TMC7: variants seen among roughly 807,000 people sequenced by gnomAD.
The protein encoded by TMC7 is transmembrane channel-like protein 7.
TMC7 carries 54 observed loss-of-function variants against 82.9 expected under a neutral mutation model. The ratio of observed to expected loss-of-function variants is 0.65; its 90% confidence interval spans 0.52 to 0.82. TMC7 has a LOEUF of 0.82. Ranked by LOEUF, TMC7 falls within the 40% of genes least tolerant of loss-of-function variation. The pLI, the probability that TMC7 is intolerant of heterozygous loss-of-function variation, is 0.00. For missense variants in TMC7, 820 were observed against 901.2 expected (o/e 0.91, Z 1.15); for synonymous variants, 350 against 337.9 (o/e 1.04, Z -0.39).
intron 1 of TMC7, among the ~76,000 whole-genome samples, chr16:18,990,961 C>T (rs2038940784): frequency 6.6e-6 from 1 of 152,050 alleles, no homozygotes; most frequent in Admixed American, 6.6e-5. Context: ...GATGGCTTAG[C>T]TTGGACTCAG....
chr16:19,042,185 T>TTTTA (rs1961043331), intron 9 of TMC7, among the ~76,000 whole-genome samples: 3 of 151,994 alleles, frequency 2.0e-5, no homozygotes, highest in Admixed American at 6.6e-5. Flanking sequence ...TTTCTTTCCA[T>TTTTA]TTTATTTATT....
At chr16:19,009,661 C>T (rs375879007) in intron 2 of TMC7, among the ~76,000 whole-genome samples, 5 of 151,938 alleles carry the variant, frequency 3.3e-5, no homozygotes, top group African/African-American at 9.7e-5. Flanking sequence ...CTTTCCAGGC[C>T]GGGCGCGGTG....
At chr16:19,016,720 G>A in intron 3 of TMC7, 122 bp downstream of exon 3, 5 of 1,101,074 alleles carry the variant, frequency 4.5e-6, no homozygotes, top group Non-Finnish European at 6.3e-6. Context: ...ATGAATGTGA[G>A]CAACAAACCA....
At chr16:18,993,498 A>G (rs560333112) in intron 1 of TMC7, among the ~76,000 whole-genome samples, 1 of 152,242 alleles carries the variant, frequency 6.6e-6, no homozygotes, top group South Asian at 2.1e-4. Flanking sequence ...AGTAAATAGG[A>G]GTGACCAATG....
intron 2 of TMC7, 30 bp downstream of exon 2, chr16:19,009,445 T>A (rs771360649): frequency 6.3e-7 from 1 of 1,598,718 alleles, no homozygotes; most frequent in South Asian, 1.1e-5. Flanking sequence ...GGAACCTGCA[T>A]TGTGTATGTT....
chr16:19,019,183 A>C (rs1017813680), intron 3 of TMC7, among the ~76,000 whole-genome samples: 3 of 152,206 alleles, frequency 2.0e-5, no homozygotes, highest in Non-Finnish European at 4.4e-5. Context: ...ACATTTTTCA[A>C]ACATCTCCCC....
At chr16:19,041,639 T>A (rs1191396034) in intron 9 of TMC7, among the ~76,000 whole-genome samples, 1 of 152,224 alleles carries the variant, frequency 6.6e-6, no homozygotes, top group Non-Finnish European at 1.5e-5. Flanking sequence ...CCCAAAGTGC[T>A]GGGATTACAG....
At position 19,009,390 on chromosome 16, in the gene TMC7, A is replaced by G; in HGVS notation, c.286A>G (p.Asn96Asp). 6.2e-7 allele frequency: 1 copy of G among 1,614,032 alleles called. No homozygotes were observed. The highest frequency in any genetic ancestry group is 8.5e-7 in the Non-Finnish European group (1 of 1,179,926). ...CCATTCTCTTCGAAATTATGCACTG[A>G]ACATCTCTGAGAAGCGGAGACTAAG... The part of the protein sequence containing the change: ...SSHSLRNYAL[N>D]ISEKRRLRDI... Residue 96 changes from asparagine to aspartate, a missense_variant, in exon 2 of 16, where the codon AAC becomes GAC. Asn to Asp is a conservative substitution (Grantham distance 23). This residue lies in a region of TMC7 where 650 missense variants were observed against 669.9 expected (regional missense o/e 0.97). Transcript: ENST00000304381.
intron 1 of TMC7, among the ~76,000 whole-genome samples, chr16:18,991,866 G>T (rs2038957545): frequency 6.6e-6 from 1 of 152,154 alleles, no homozygotes; most frequent in African/African-American, 2.4e-5. Context: ...TGTTTGCTCA[G>T]ATAGTTTGCT....
chr16:19,051,648 T>G, intron 12 of TMC7, 38 bp from the exon 13 acceptor site: 2 of 1,610,882 alleles, frequency 1.2e-6, no homozygotes, highest in Non-Finnish European at 1.7e-6. Context: ...GAAGCTGTAC[T>G]TATTGATCTT....
chr16:18,987,513 G>C (rs771470223), intron 1 of TMC7, among the ~76,000 whole-genome samples: 5 of 151,790 alleles, frequency 3.3e-5, no homozygotes, highest in Middle Eastern at 3.4e-3. Context: ...CTTTCACTAT[G>C]TTGGCTGGTC....
chr16:18,987,005 C>T, intron 1 of TMC7, among the ~76,000 whole-genome samples: 1 of 151,986 alleles, frequency 6.6e-6, no homozygotes, highest in Admixed American at 6.6e-5. Flanking sequence ...CAGGGTTTCA[C>T]CGTCTTAGCC....
chr16:18,993,446 C>T (rs781745849), intron 1 of TMC7, among the ~76,000 whole-genome samples: 11 of 152,080 alleles, frequency 7.2e-5, no homozygotes, highest in African/African-American at 4.8e-5. Flanking sequence ...AACCATTTGC[C>T]TTGTGTGGGA....
intron 15 of TMC7, among the ~76,000 whole-genome samples, chr16:19,060,999 CT>C (rs34398653): frequency 0.25 from 32,572 of 128,920 alleles, 3,748 homozygotes; most frequent in Admixed American, 0.28. Context: ...GATGGCCAGT[CT>C]TTTTTTTTTT....
Position 19,061,808 on chromosome 16 carries a change from A to C in TMC7, c.2137A>C (p.Lys713Gln), listed in dbSNP as rs774017020. The change falls in exon 16 of 16, where the codon AAA (lysine) becomes CAA (glutamine). Residue 713 changes from lysine to glutamine, a missense_variant. Physicochemically the swap from Lys to Gln is moderately conservative, Grantham distance 53. Coordinates refer to ENST00000304381, the MANE Select transcript of TMC7 (RefSeq NM_024847.4). ...TCGTGACAAGTGCTACCTAATCCAG[A>C]AACTAACAGAAGCCCAAAGGGACAT... ...ESRDKCYLIQKLTEAQRDMRN is the reference protein window; with the variant it reads ...ESRDKCYLIQQLTEAQRDMRN 2 of 1,613,854 alleles carry C rather than the reference A, an allele frequency of 1.2e-6. No individual in the cohort carries two copies. The highest frequency in any genetic ancestry group is 2.7e-5 in the African/African-American group (2 of 74,944).
At chr16:19,003,204 TGG>T (rs2039171780) in intron 1 of TMC7, among the ~76,000 whole-genome samples, 1 of 152,084 alleles carries the variant, frequency 6.6e-6, no homozygotes, top group Non-Finnish European at 1.5e-5. Flanking sequence ...CCAGGTGTAG[TGG>T]TGTGCATCTG....
chr16:19,045,464 T>TC (rs770111267), intron 11 of TMC7, 26 bp downstream of exon 11: 81 of 1,498,204 alleles, frequency 5.4e-5, no homozygotes, highest in Non-Finnish European at 6.7e-5. Context: ...GCCCATATTA[T>TC]CCCCCCCACC....
chr16:18,984,190 G>A (rs1428237865), intron 1 of TMC7, 60 bp downstream of exon 1: 8 of 1,428,186 alleles, frequency 5.6e-6, no homozygotes, highest in Admixed American at 2.9e-5. Flanking sequence ...GCGCACGGAG[G>A]GAGCCGGGTG....
intron 1 of TMC7, among the ~76,000 whole-genome samples, chr16:19,005,889 C>T (rs1392097594): frequency 1.3e-5 from 2 of 152,124 alleles, no homozygotes; most frequent in African/African-American, 4.8e-5. Context: ...GGGTGAGGCT[C>T]GTAGACTTGC....
Sources: gnomAD v4.1 joint callset for allele counts (sites outside exome capture counted in the v4.1 genomes callset) on GRCh38, gnomAD v4.1.1 for gene constraint, gnomAD v4.1.1 regional missense constraint, MANE v1.5 for transcripts, NCBI Gene and HGNC (gene_info 2026-07-23, HGNC 2026-07-21) for gene names.